UVRAG: variants seen among roughly 807,000 people sequenced by gnomAD.
UVRAG encodes the protein UV radiation resistance associated.
Under a neutral mutation model 78.0 loss-of-function variants are expected in UVRAG, and 19 were observed. That is an observed-to-expected ratio of 0.24 (90% CI 0.17 to 0.36). UVRAG has a LOEUF of 0.36. Ranked by LOEUF, UVRAG falls within the 10% of genes least tolerant of loss-of-function variation. The pLI is 1.00. For missense variants in UVRAG, 740 were observed against 853.8 expected (o/e 0.87, Z 1.66); for synonymous variants, 323 against 324.6 (o/e 1.00, Z 0.05).
intron 5 of UVRAG, among the ~76,000 whole-genome samples, chr11:75,901,349 G>A (rs1947494948): frequency 6.6e-6 from 1 of 151,916 alleles, no homozygotes; most frequent in South Asian, 2.1e-4. Context: ...GCTCACTTAT[G>A]GTTTTATGAA....
intron 11 of UVRAG, among the ~76,000 whole-genome samples, chr11:76,013,504 T>TGCTCTGCC: frequency 6.6e-6 from 1 of 152,350 alleles, no homozygotes; most frequent in South Asian, 2.1e-4. Flanking sequence ...CACAAACTTC[T>TGCTCTGCC]GCTCTGCCTT....
rs116872304 is a variant in UVRAG at position 76,037,429 on chromosome 11, G to A, written c.1226+20449G>A. ...TAGGAACATACATTCTCAGCAGGGC[G>A]CAGTGGCTCACGCCTGTAATCCCAG... On this transcript the variant is annotated intron_variant, in intron 12 of 14. Coordinates refer to ENST00000356136, the MANE Select transcript of UVRAG (RefSeq NM_003369.4). 8.9e-4 allele frequency among the ~76,000 whole-genome samples: 135 copies of A among 151,710 alleles called. 3 individuals carry two copies. The East Asian group carries it at 0.02, about 23-fold the overall frequency.
chr11:75,867,000 A>G (rs1338688909), intron 3 of UVRAG, among the ~76,000 whole-genome samples: 1 of 152,052 alleles, frequency 6.6e-6, no homozygotes, highest in Non-Finnish European at 1.5e-5. Flanking sequence ...TCATTATTTG[A>G]CTTATGATAA....
At chr11:76,049,794 A>G (rs1246314435) in intron 12 of UVRAG, among the ~76,000 whole-genome samples, 1 of 152,236 alleles carries the variant, frequency 6.6e-6, no homozygotes, top group Non-Finnish European at 1.5e-5. Flanking sequence ...GATTCAAGGA[A>G]TAAACAAGCA....
At chr11:75,934,553 C>G (rs1162145565) in intron 6 of UVRAG, among the ~76,000 whole-genome samples, 2 of 151,788 alleles carry the variant, frequency 1.3e-5, no homozygotes, top group Non-Finnish European at 2.9e-5. Context: ...TGATGGATAC[C>G]CCATTTACCC....
At chr11:75,930,932 T>TTTCC (rs980731964) in intron 6 of UVRAG, 5 of 119,738 alleles carry the variant, frequency 4.2e-5, no homozygotes, top group African/African-American at 1.5e-4. Context: ...CGGGATTTTC[T>TTTCC]TTCTTTCTTT....
At chr11:76,132,067 T>C (rs1001097871) in intron 14 of UVRAG, among the ~76,000 whole-genome samples, 9 of 152,274 alleles carry the variant, frequency 5.9e-5, no homozygotes, top group African/African-American at 2.2e-4. Context: ...TGGCACTCTG[T>C]GCAAGCCTGT....
intron 13 of UVRAG, among the ~76,000 whole-genome samples, chr11:76,092,912 T>C (rs1951728349): frequency 6.6e-6 from 1 of 152,246 alleles, no homozygotes; most frequent in Admixed American, 6.5e-5. Context: ...TCCTTGCCCA[T>C]GCCTATGTCC....
At chr11:76,126,221 G>C (rs1281407429) in intron 14 of UVRAG, among the ~76,000 whole-genome samples, 2 of 151,918 alleles carry the variant, frequency 1.3e-5, no homozygotes, top group African/African-American at 2.4e-5. Flanking sequence ...GATTACAGGC[G>C]TGAGCCACCA....
intron 12 of UVRAG, among the ~76,000 whole-genome samples, chr11:76,040,655 A>G (rs1483448534): frequency 6.6e-6 from 1 of 151,984 alleles, no homozygotes; most frequent in Non-Finnish European, 1.5e-5. Context: ...TCCTGGGATC[A>G]AGCAATTCTC....
chr11:76,094,603 C>T (rs530555920), intron 13 of UVRAG, among the ~76,000 whole-genome samples: 8 of 152,032 alleles, frequency 5.3e-5, no homozygotes, highest in African/African-American at 1.4e-4. Context: ...TGTATGTGTC[C>T]GGGAATTTAT....
chr11:76,055,271 C>T (rs1418377608), intron 12 of UVRAG, among the ~76,000 whole-genome samples: 1 of 152,208 alleles, frequency 6.6e-6, no homozygotes, highest in Non-Finnish European at 1.5e-5. Flanking sequence ...TGGTCTCAAA[C>T]TCCTGGGCTC....
At chr11:75,859,906 C>T (rs748211353) in intron 2 of UVRAG, among the ~76,000 whole-genome samples, 3 of 152,050 alleles carry the variant, frequency 2.0e-5, no homozygotes, top group Non-Finnish European at 4.4e-5. Context: ...CTGGAGAAGG[C>T]GAATTGTTTT....
intron 3 of UVRAG, among the ~76,000 whole-genome samples, chr11:75,862,930 C>T (rs560779695): frequency 1.3e-5 from 2 of 152,270 alleles, no homozygotes; most frequent in South Asian, 4.2e-4. Context: ...AAAGGGTTAT[C>T]AATGATGTGT....
chr11:75,900,437 T>A (rs1011954254), intron 5 of UVRAG, among the ~76,000 whole-genome samples: 2 of 152,200 alleles, frequency 1.3e-5, no homozygotes, highest in Non-Finnish European at 2.9e-5. Context: ...CCTTCTCTTC[T>A]TTCTCTCTGC....
intron 6 of UVRAG, among the ~76,000 whole-genome samples, chr11:75,914,967 G>C (rs1159509485): frequency 6.6e-6 from 1 of 151,972 alleles, no homozygotes; most frequent in African/African-American, 2.4e-5. Flanking sequence ...CTTCATGCTG[G>C]GTGTGGTGGC....
chr11:76,132,065 T>C lies in UVRAG; in HGVS notation c.1398-8646T>C, dbSNP rs913217422. On this transcript the variant is annotated intron_variant, in intron 14 of 14. Coordinates refer to ENST00000356136, the MANE Select transcript of UVRAG (RefSeq NM_003369.4). ...CCTTGGCAACCCGCTTTTGGCACTC[T>C]GTGCAAGCCTGTCGTTGCTCTGCAT... 3.9e-5 allele frequency among the ~76,000 whole-genome samples: 6 copies of C among 152,274 alleles called. No homozygotes were observed. In the South Asian group the frequency reaches 1.2e-3, roughly 32 times the overall value.
chr11:75,897,523 T>C (rs962434296), intron 5 of UVRAG, among the ~76,000 whole-genome samples: 1 of 152,172 alleles, frequency 6.6e-6, no homozygotes, highest in Non-Finnish European at 1.5e-5. Context: ...TAATTTATTT[T>C]ATTTATTATT....
chr11:75,981,813 TG>T (rs931128309), intron 7 of UVRAG, among the ~76,000 whole-genome samples: 4 of 152,188 alleles, frequency 2.6e-5, no homozygotes, highest in African/African-American at 9.6e-5. Flanking sequence ...CTGCTTCCTC[TG>T]TGCTGCCATT....
Sources: gnomAD v4.1 joint callset for allele counts (sites outside exome capture counted in the v4.1 genomes callset) on GRCh38, gnomAD v4.1.1 for gene constraint, MANE v1.5 for transcripts, NCBI Gene and HGNC (gene_info 2026-07-23, HGNC 2026-07-21) for gene names.